The following PPFIA2 variants were observed in gnomAD, a reference collection of about 807,000 sequenced individuals.
PPFIA2 encodes the protein PPFI scaffold protein A2.
A neutral mutation model predicts 175.5 loss-of-function variants in PPFIA2; 46 were observed. That is an observed-to-expected ratio of 0.26 (90% CI 0.21 to 0.34). PPFIA2 has a LOEUF of 0.34. Ranked by LOEUF, PPFIA2 falls within the 10% of genes least tolerant of loss-of-function variation. PPFIA2 has a pLI of 1.00. For synonymous variants in PPFIA2, 568 were observed against 511.4 expected, an observed-to-expected ratio of 1.11 and a Z score of -1.49; for missense variants, 1,179 against 1,506.1, an observed-to-expected ratio of 0.78 and a Z score of 3.60.
Position 81,640,844 on chromosome 12 carries a change from A to G in PPFIA2, c.303+35947T>C, listed in dbSNP as rs1007415729. The stretch of plus-strand genomic sequence containing the variant: ...ATTTCATAATGCTCCTAATCACCCA[A>G]TGAGCTAGCAACCATCATTTACAGT... On this transcript the variant is annotated intron_variant, in intron 4 of 32. Transcript: ENST00000549396. Among the ~76,000 whole-genome samples, 7 of 152,102 alleles carry G rather than the reference A, an allele frequency of 4.6e-5. 1 individual carries two copies. In the East Asian group the frequency reaches 1.2e-3, roughly 25 times the overall value.
At chr12:81,442,846 TTC>T (rs1491512814) in intron 6 of PPFIA2, among the ~76,000 whole-genome samples, 21 of 90,854 alleles carry the variant, frequency 2.3e-4, no homozygotes, top group African/African-American at 7.7e-4. Context: ...TTTTTCTGAC[TTC>T]ATATATATAT....
chr12:81,581,885 G>A (rs61937276), intron 4 of PPFIA2, among the ~76,000 whole-genome samples: 5,912 of 151,872 alleles, frequency 0.039, 168 homozygotes, highest in Non-Finnish European at 0.061. Flanking sequence ...GTTTTAAAAT[G>A]TATAAAATGC....
chr12:81,624,119 T>C (rs528922613), intron 4 of PPFIA2, among the ~76,000 whole-genome samples: 2 of 152,020 alleles, frequency 1.3e-5, no homozygotes, highest in African/African-American at 4.8e-5. Flanking sequence ...TTTACATCTA[T>C]AAGCACTTAA....
intron 4 of PPFIA2, among the ~76,000 whole-genome samples, chr12:81,653,204 A>G (rs764829736): frequency 6.6e-6 from 1 of 152,120 alleles, no homozygotes; most frequent in Non-Finnish European, 1.5e-5. Flanking sequence ...ATGTAATTCC[A>G]TAGTACTTCC....
At chr12:81,267,727 G>T (rs1468372394) in intron 29 of PPFIA2, among the ~76,000 whole-genome samples, 185 bp downstream of exon 29, 1 of 136,966 alleles carries the variant, frequency 7.3e-6, no homozygotes, top group African/African-American at 2.9e-5. Flanking sequence ...TTAATTGTAT[G>T]ATTTTTTTTT....
At chr12:81,557,008 T>G (rs1250465018) in intron 4 of PPFIA2, among the ~76,000 whole-genome samples, 5 of 152,038 alleles carry the variant, frequency 3.3e-5, no homozygotes, top group Middle Eastern at 3.4e-3. Context: ...AAAATATTTG[T>G]AGAAGTGATC....
chr12:81,565,816 G>C (rs562073453), intron 4 of PPFIA2, among the ~76,000 whole-genome samples: 6 of 152,194 alleles, frequency 3.9e-5, no homozygotes, highest in Non-Finnish European at 8.8e-5. Flanking sequence ...TACAAGCTCT[G>C]CCCCCCAAAA....
chr12:81,639,168 G>A (rs561771302), intron 4 of PPFIA2, among the ~76,000 whole-genome samples: 3 of 152,154 alleles, frequency 2.0e-5, no homozygotes, highest in African/African-American at 7.2e-5. Flanking sequence ...TCATCACTCA[G>A]TATCTCTCTC....
intron 8 of PPFIA2, among the ~76,000 whole-genome samples, chr12:81,394,124 TC>T (rs1213589929): frequency 3.3e-5 from 5 of 152,052 alleles, no homozygotes; most frequent in Admixed American, 6.6e-5. Flanking sequence ...TTTCCAGTTA[TC>T]TTTTCATGAA....
rs1455199058 is a variant in PPFIA2 at position 81,591,733 on chromosome 12, A to G, written c.303+85058T>C. On this transcript the variant is annotated intron_variant, in intron 4 of 32. Coordinates refer to ENST00000549396, the MANE Select transcript of PPFIA2 (RefSeq NM_003625.5). ...GCCTGTGGGTGCACAGAAGTCAAGA[A>G]TTGAGGTTTGGGACCTTCTGCCTAG... 3.9e-5 allele frequency among the ~76,000 whole-genome samples: 6 copies of G among 152,284 alleles called. No individual in the cohort carries two copies. In the East Asian group the frequency reaches 7.7e-4, roughly 20 times the overall value.
chr12:81,591,738 G>A (rs2058700661), intron 4 of PPFIA2, among the ~76,000 whole-genome samples: 1 of 152,182 alleles, frequency 6.6e-6, no homozygotes, highest in African/African-American at 2.4e-5. Flanking sequence ...CAAGAATTGA[G>A]GTTTGGGACC....
intron 4 of PPFIA2, among the ~76,000 whole-genome samples, chr12:81,642,745 G>GTATA (rs1567688817): frequency 0.063 from 545 of 8,670 alleles, 203 homozygotes; most frequent in African/African-American, 0.08. Flanking sequence ...ATGTATGTAT[G>GTATA]TATTATATAC....
chr12:81,734,035 A>G (rs533917950), intron 3 of PPFIA2, among the ~76,000 whole-genome samples: 1 of 151,908 alleles, frequency 6.6e-6, no homozygotes, highest in African/African-American at 2.4e-5. Context: ...TGTAAGACCA[A>G]TGAGCACAGG....
intron 23 of PPFIA2, 48 bp downstream of exon 23, chr12:81,299,253 C>A: frequency 6.6e-7 from 1 of 1,509,230 alleles, no homozygotes; most frequent in East Asian, 2.5e-5. Flanking sequence ...AAAAAATTAT[C>A]AACTTAGTAG....
intron 3 of PPFIA2, among the ~76,000 whole-genome samples, chr12:81,701,986 GGAAAGA>G (rs2076546508): frequency 6.6e-6 from 1 of 151,566 alleles, no homozygotes; most frequent in Non-Finnish European, 1.5e-5. Flanking sequence ...AAGTAAGTGA[GGAAAGA>G]GAAAGAGAAA....
At chr12:81,696,491 TA>T (rs2075908234) in intron 3 of PPFIA2, among the ~76,000 whole-genome samples, 1 of 152,166 alleles carries the variant, frequency 6.6e-6, no homozygotes, top group Non-Finnish European at 1.5e-5. Context: ...TTTGCATATT[TA>T]AACCTTGCAT....
Position 81,440,813 on chromosome 12 carries a change from G to GATAT in PPFIA2, c.571-771_571-768dup, listed in dbSNP as rs142582712. 4.8e-3 allele frequency among the ~76,000 whole-genome samples: 681 copies of GATAT among 143,140 alleles called. 3 individuals are homozygous for GATAT. The highest frequency in any genetic ancestry group is 0.015 in the East Asian group (74 of 4,918). 93.9% of individuals were successfully genotyped at this position (143,140 alleles called of 152,430 possible). A position where few individuals can be genotyped will look rare whatever the true frequency, so the allele number is the denominator to read the frequency against. ...ATGTTTAGATCTATATATATGTCCT[G>GATAT]ATATATATATATATATATATAAAAC... On this transcript the variant is annotated intron_variant, in intron 6 of 32. Coordinates refer to ENST00000549396, the MANE Select transcript of PPFIA2 (RefSeq NM_003625.5).
chr12:81,414,527 C>A (rs1477979257), intron 7 of PPFIA2, among the ~76,000 whole-genome samples: 1 of 151,632 alleles, frequency 6.6e-6, no homozygotes, highest in African/African-American at 2.4e-5. Flanking sequence ...GATTTTCATT[C>A]TCATGTTTTT....
chr12:81,376,284 T>C (rs2036335580), intron 9 of PPFIA2, among the ~76,000 whole-genome samples: 1 of 152,170 alleles, frequency 6.6e-6, no homozygotes, highest in Non-Finnish European at 1.5e-5. Flanking sequence ...TGAGTAGAGT[T>C]GCAAATCATA....
Sources: gnomAD v4.1 joint callset for allele counts (sites outside exome capture counted in the v4.1 genomes callset) on GRCh38, gnomAD v4.1.1 for gene constraint, MANE v1.5 for transcripts, NCBI Gene and HGNC (gene_info 2026-07-23, HGNC 2026-07-21) for gene names.